The following RSF1 variants were observed in gnomAD, a reference collection of about 807,000 sequenced individuals.
RSF1 encodes remodeling and spacing factor 1.
Under a neutral mutation model 145.2 loss-of-function variants are expected in RSF1, and 13 were observed. The ratio of observed to expected loss-of-function variants is 0.09; its 90% confidence interval spans 0.06 to 0.14. RSF1 has a LOEUF of 0.14. Among genes scored for constraint, RSF1 ranks in the 10% least tolerant of loss-of-function variants. RSF1 has a pLI of 1.00. For synonymous variants in RSF1, 577 were observed against 592.6 expected (o/e 0.97, Z 0.38); for missense variants, 1,517 against 1,718.2 (o/e 0.88, Z 2.07).
chr11:77,848,461 G>A, the RSF1 span, among the ~76,000 whole-genome samples: 2 of 151,734 alleles, frequency 1.3e-5, no homozygotes, highest in Non-Finnish European at 2.9e-5. Flanking sequence ...AGGTTCAAGC[G>A]ATTCTCCTAC....
At chr11:77,744,867 A>G (rs1947982543) in intron 3 of RSF1, among the ~76,000 whole-genome samples, 1 of 152,194 alleles carries the variant, frequency 6.6e-6, no homozygotes, top group South Asian at 2.1e-4. Flanking sequence ...AGACATTGAG[A>G]AGGACTACTA....
chr11:77,698,971 A>G (rs1320612484), intron 6 of RSF1, among the ~76,000 whole-genome samples: 1 of 152,178 alleles, frequency 6.6e-6, no homozygotes, highest in Non-Finnish European at 1.5e-5. Flanking sequence ...ATTACTATAA[A>G]TGCCATTACA....
At chr11:77,801,670 C>T (rs1006947952) in intron 1 of RSF1, among the ~76,000 whole-genome samples, 2 of 151,910 alleles carry the variant, frequency 1.3e-5, no homozygotes, top group Non-Finnish European at 2.9e-5. Context: ...TGATAGAAGC[C>T]TCTTTTGTTC....
Position 77,803,407 on chromosome 11 carries a change from A to G in RSF1, c.187+17121T>C, listed in dbSNP as rs577525976. Among the ~76,000 whole-genome samples, 354 of 150,596 alleles carry G rather than the reference A, an allele frequency of 2.4e-3. 1 individual carries two copies. Among genetic ancestry groups the G allele is most frequent in the Admixed American group, 4.4e-3 (66 of 15,128 alleles). ...AGCGATTCACCCACCTCGGCCTCCC[A>G]AAGTGCTGGGATTACAGGCATGAGC... On this transcript the variant is annotated intron_variant, in intron 1 of 15. Transcript: ENST00000308488.
At chr11:77,747,662 G>C (rs116946373) in intron 2 of RSF1, among the ~76,000 whole-genome samples, 19 of 152,270 alleles carry the variant, frequency 1.2e-4, no homozygotes, top group Admixed American at 9.8e-4. Context: ...TTCTACACAA[G>C]CATTTCAGGC....
chr11:77,842,655 T>C, the RSF1 span: 11 of 1,609,226 alleles, frequency 6.8e-6, no homozygotes, highest in Non-Finnish European at 9.3e-6. Context: ...TGGTTGATAC[T>C]ACATGAGGCT....
intron 1 of RSF1, among the ~76,000 whole-genome samples, chr11:77,820,029 G>A (rs1038507523): frequency 2.6e-5 from 4 of 152,204 alleles, no homozygotes; most frequent in Non-Finnish European, 5.9e-5. Flanking sequence ...CGCCCACCCA[G>A]GTGAAGGGAG....
At chr11:77,696,692 T>C (rs1449910819) in intron 7 of RSF1, among the ~76,000 whole-genome samples, 1 of 152,208 alleles carries the variant, frequency 6.6e-6, no homozygotes, top group Non-Finnish European at 1.5e-5. Flanking sequence ...TGCTTTTTTT[T>C]CTTGATTTAG....
At chr11:77,864,483 T>C in the RSF1 span, among the ~76,000 whole-genome samples, 6 of 152,122 alleles carry the variant, frequency 3.9e-5, no homozygotes, top group African/African-American at 1.4e-4. Flanking sequence ...TTATTCTTGA[T>C]TGAGAACCAG....
At chr11:77,818,176 T>A (rs1242790987) in intron 1 of RSF1, among the ~76,000 whole-genome samples, 1 of 152,184 alleles carries the variant, frequency 6.6e-6, no homozygotes, top group African/African-American at 2.4e-5. Flanking sequence ...TTTACTTACT[T>A]AGTGAACCAC....
chr11:77,750,009 A>T (rs931138897), intron 2 of RSF1, among the ~76,000 whole-genome samples: 2 of 152,040 alleles, frequency 1.3e-5, no homozygotes, highest in Admixed American at 1.3e-4. Context: ...GGCATCCCCA[A>T]GTGCTGGGAT....
chr11:77,787,849 T>G, intron 1 of RSF1, among the ~76,000 whole-genome samples: 1 of 113,930 alleles, frequency 8.8e-6, no homozygotes, highest in Non-Finnish European at 1.7e-5. Flanking sequence ...AAAAAAAAAG[T>G]TCGAGTGCTG....
rs1263496362 is a variant in RSF1 at position 77,671,191 on chromosome 11, A to ATG, written c.3751+849_3751+850dup. Among the ~76,000 whole-genome samples, 143 of 104,804 alleles carry ATG rather than the reference A, an allele frequency of 1.4e-3. 2 individuals carry two copies. Among genetic ancestry groups the ATG allele is most frequent in the African/African-American group, 5.5e-3 (136 of 24,922 alleles). 68.8% of individuals were successfully genotyped at this position (104,804 alleles called of 152,430 possible). A position where few individuals can be genotyped will look rare whatever the true frequency, so the allele number is the denominator to read the frequency against. On this transcript the variant is annotated intron_variant, in intron 15 of 15. Coordinates refer to ENST00000308488, the MANE Select transcript of RSF1 (RefSeq NM_016578.4). ...TATATATATATATTTATATGTATAT[A>ATG]TGTGTGTATATATATATACACTATA...
chr11:77,715,696 C>T (rs962023656), intron 5 of RSF1, among the ~76,000 whole-genome samples: 12 of 152,362 alleles, frequency 7.9e-5, no homozygotes, highest in African/African-American at 2.4e-4. Flanking sequence ...GATCCTCCCG[C>T]CTCAGCCTCC....
upstream of RSF1, among the ~76,000 whole-genome samples, chr11:77,825,499 G>T (rs74924662): frequency 0.011 from 1,664 of 152,224 alleles, 25 homozygotes; most frequent in African/African-American, 0.039. Context: ...GCTATTAAGT[G>T]TCAACAGAAA....
chr11:77,672,029 A>G lies in RSF1; in HGVS notation c.3751+13T>C. The G allele has an allele frequency of 6.2e-7, 1 of 1,602,774 alleles. No homozygotes were observed. Among genetic ancestry groups the G allele is most frequent in the South Asian group, 1.1e-5 (1 of 88,456 alleles). ...CTGTCCAAACTTCTATATATAGGAGACCTATGCCTTACCTTCACTCTCTGA... is the reference window on the plus strand; with the variant it reads ...CTGTCCAAACTTCTATATATAGGAGGCCTATGCCTTACCTTCACTCTCTGA... On this transcript the variant is annotated intron_variant, in intron 15 of 15. Transcript: ENST00000308488.
intron 1 of RSF1, among the ~76,000 whole-genome samples, chr11:77,772,848 GAAAAAAAAAAAA>G (rs1161762028): frequency 1.2e-5 from 1 of 85,194 alleles, no homozygotes; most frequent in Non-Finnish European, 2.2e-5. Flanking sequence ...GCCCAAGATG[GAAAAAAAAAAAA>G]AAAAAAAAAA....
At chr11:77,771,896 G>A (rs1948289394) in intron 1 of RSF1, among the ~76,000 whole-genome samples, 1 of 152,204 alleles carries the variant, frequency 6.6e-6, no homozygotes, top group Admixed American at 6.5e-5. Context: ...GACTAAGGCT[G>A]TGGTGCAGAG....
At chr11:77,859,643 G>A in the RSF1 span, among the ~76,000 whole-genome samples, 3 of 152,160 alleles carry the variant, frequency 2.0e-5, no homozygotes, top group Non-Finnish European at 4.4e-5. Flanking sequence ...GGCATACCCC[G>A]CATTTTGAAG....
Sources: allele counts gnomAD v4.1 joint callset (sites outside exome capture counted in the v4.1 genomes callset), GRCh38; gene constraint gnomAD v4.1.1; transcripts MANE v1.5; gene names NCBI Gene and HGNC (gene_info 2026-07-23, HGNC 2026-07-21).